MACROD2: variants seen among roughly 807,000 people sequenced by gnomAD.
The protein encoded by MACROD2 is ADP-ribose glycohydrolase MACROD2.
In MACROD2, 36 loss-of-function variants were observed where a neutral mutation model predicts 70.4. The ratio of observed to expected loss-of-function variants is 0.51; its 90% confidence interval spans 0.39 to 0.68. MACROD2 has a LOEUF of 0.68. Among genes scored for constraint, MACROD2 ranks in the 30% least tolerant of loss-of-function variants. The pLI is 0.00. For synonymous variants in MACROD2, 172 were observed against 178.8 expected (o/e 0.96, Z 0.30); for missense variants, 496 against 538.4 (o/e 0.92, Z 0.78).
chr20:14,710,033 C>T (rs1336699153), intron 5 of MACROD2, among the ~76,000 whole-genome samples: 1 of 152,054 alleles, frequency 6.6e-6, no homozygotes, highest in Admixed American at 6.6e-5. Context: ...AGAAATAGCT[C>T]TTTACTCAGA....
At chr20:15,401,200 G>T (rs1270390357) in intron 6 of MACROD2, among the ~76,000 whole-genome samples, 1 of 152,016 alleles carries the variant, frequency 6.6e-6, no homozygotes. Context: ...ACCACGCCCG[G>T]CTAATTTTTT....
intron 3 of MACROD2, among the ~76,000 whole-genome samples, chr20:14,209,216 T>G (rs1358330452): frequency 6.6e-6 from 1 of 152,240 alleles, no homozygotes; most frequent in Non-Finnish European, 1.5e-5. Context: ...ATTTCCATGG[T>G]AAAATTGCCA....
Position 15,699,789 on chromosome 20 carries a change from A to G in MACROD2, c.646-162956A>G, listed in dbSNP as rs570934478. Among the ~76,000 whole-genome samples, 88 of 152,154 alleles carry G rather than the reference A, an allele frequency of 5.8e-4. 4 individuals carry two copies. Among genetic ancestry groups the G allele is most frequent in the Non-Finnish European group, 2.6e-4 (18 of 67,996 alleles). ...GCCAGGAGGCTTCTCAGCTCATTCA[A>G]ATTGTTACAAAGTTCGACTAGAGAA... On this transcript the variant is annotated intron_variant, in intron 8 of 17. Coordinates refer to ENST00000684519, the MANE Select transcript of MACROD2 (RefSeq NM_001351661.2).
chr20:14,800,628 T>C (rs2072563637), intron 5 of MACROD2, among the ~76,000 whole-genome samples: 1 of 152,110 alleles, frequency 6.6e-6, no homozygotes, highest in Admixed American at 6.5e-5. Flanking sequence ...TTCCACCAAT[T>C]AGGGGATTCT....
chr20:16,031,989 G>C (rs1462955964), intron 15 of MACROD2, among the ~76,000 whole-genome samples: 1 of 152,056 alleles, frequency 6.6e-6, no homozygotes, highest in African/African-American at 2.4e-5. Context: ...CATGGAAAGA[G>C]TTGTTCAGGG....
chr20:14,332,814 A>G lies in MACROD2; in HGVS notation c.272-160665A>G, dbSNP rs140953315. On this transcript the variant is annotated intron_variant, in intron 3 of 17. Transcript: ENST00000684519. ...TATTTCTAGGTAAACTGGAATTTAT[A>G]CAATCATAATTTAGAGTATTAGGAA... 1.0e-3 allele frequency among the ~76,000 whole-genome samples: 159 copies of G among 152,284 alleles called. 1 individual carries two copies. Among genetic ancestry groups the G allele is most frequent in the Non-Finnish European group, 2.0e-3 (133 of 68,018 alleles).
intron 3 of MACROD2, among the ~76,000 whole-genome samples, chr20:14,482,768 A>G (rs753014568): frequency 1.3e-5 from 2 of 152,232 alleles, no homozygotes; most frequent in Non-Finnish European, 2.9e-5. Context: ...AAAAAGAGAA[A>G]TACAGAAACA....
At position 15,234,180 on chromosome 20, in the gene MACROD2, C is replaced by T. The variant is rs1178154895; in HGVS notation, c.540+4119C>T. Among the ~76,000 whole-genome samples, 729 of 141,486 alleles carry T rather than the reference C, an allele frequency of 5.2e-3. 5 individuals carry two copies. Among genetic ancestry groups the T allele is most frequent in the South Asian group, 0.014 (62 of 4,296 alleles). The allele number at this position is 141,486 out of a possible 152,430, so 92.8% of individuals were successfully genotyped here. On this transcript the variant is annotated intron_variant, in intron 6 of 17. Transcript: ENST00000684519. ...CCGAGTAGCTGGGACTACAGGCGCC[C>T]GCTACCACGCCCGGCTAATTTTTTT...
At chr20:16,009,778 G>A (rs2066837767) in intron 15 of MACROD2, among the ~76,000 whole-genome samples, 2 of 151,964 alleles carry the variant, frequency 1.3e-5, no homozygotes, top group South Asian at 2.1e-4. Flanking sequence ...AATTATAAAA[G>A]CATAATATGG....
chr20:14,404,662 G>A (rs932962822), intron 3 of MACROD2, among the ~76,000 whole-genome samples: 1 of 152,002 alleles, frequency 6.6e-6, no homozygotes, highest in Admixed American at 6.6e-5. Flanking sequence ...ATCACCAAAG[G>A]CAGAGAAGAT....
intron 5 of MACROD2, among the ~76,000 whole-genome samples, chr20:15,117,143 T>C (rs1330307197): frequency 1.3e-5 from 2 of 152,172 alleles, no homozygotes; most frequent in Admixed American, 6.5e-5. Flanking sequence ...GGGAACAAGT[T>C]TGAGGTAAAA....
At chr20:15,920,101 G>A (rs2065380259) in intron 10 of MACROD2, among the ~76,000 whole-genome samples, 1 of 152,194 alleles carries the variant, frequency 6.6e-6, no homozygotes, top group South Asian at 2.1e-4. Context: ...ACCCTAAATT[G>A]AAAATGACAG....
intron 5 of MACROD2, among the ~76,000 whole-genome samples, chr20:15,124,571 A>G (rs1320719429): frequency 3.9e-5 from 6 of 152,082 alleles, no homozygotes; most frequent in Non-Finnish European, 7.4e-5. Flanking sequence ...AATAAGCTGC[A>G]TATAGCTCCC....
intron 6 of MACROD2, among the ~76,000 whole-genome samples, chr20:15,401,974 A>G (rs1402858064): frequency 6.6e-6 from 1 of 152,106 alleles, no homozygotes; most frequent in African/African-American, 2.4e-5. Flanking sequence ...CCTAAATATC[A>G]TTTATTCTTT....
intron 8 of MACROD2, among the ~76,000 whole-genome samples, chr20:15,601,631 C>T (rs150310037): frequency 6.6e-6 from 1 of 152,234 alleles, no homozygotes; most frequent in East Asian, 1.9e-4. Flanking sequence ...GGCTCTGACT[C>T]GCCAGGTATC....
intron 8 of MACROD2, among the ~76,000 whole-genome samples, chr20:15,716,871 A>G (rs1001234768): frequency 6.6e-6 from 1 of 152,210 alleles, no homozygotes; most frequent in African/African-American, 2.4e-5. Flanking sequence ...ATGGGAAATG[A>G]AAATATAGTG....
chr20:14,674,693 T>C (rs905093279), intron 4 of MACROD2, among the ~76,000 whole-genome samples: 11 of 152,198 alleles, frequency 7.2e-5, no homozygotes, highest in African/African-American at 2.7e-4. Context: ...CTTCAAAATA[T>C]GTGACATTAT....
At chr20:15,659,210 A>G (rs370071980) in intron 8 of MACROD2, among the ~76,000 whole-genome samples, 1 of 149,340 alleles carries the variant, frequency 6.7e-6, no homozygotes, top group East Asian at 2.0e-4. Flanking sequence ...GGTATATGAT[A>G]CCTTGGTTAT....
At chr20:15,507,348 CT>C (rs2047438752) in intron 8 of MACROD2, among the ~76,000 whole-genome samples, 1 of 150,812 alleles carries the variant, frequency 6.6e-6, no homozygotes, top group Admixed American at 6.6e-5. Flanking sequence ...TCCCTCCTCC[CT>C]TTTTCCTTCC....
Sources: gnomAD v4.1 joint callset for allele counts (sites outside exome capture counted in the v4.1 genomes callset) on GRCh38, gnomAD v4.1.1 for gene constraint, MANE v1.5 for transcripts, NCBI Gene and HGNC (gene_info 2026-07-23, HGNC 2026-07-21) for gene names.